Variants in GALNT18 observed in about 807,000 individuals in gnomAD.
GALNT18 encodes the protein GalNAc-transferase 18.
A neutral mutation model predicts 69.5 loss-of-function variants in GALNT18; 44 were observed. The ratio of observed to expected loss-of-function variants is 0.63; its 90% CI spans 0.50 to 0.81. The LOEUF is 0.81. GALNT18 is among the 40% of genes least tolerant of loss of function. The pLI is 0.00. For missense variants in GALNT18, 715 were observed against 810.0 expected (o/e 0.88, Z 1.42); for synonymous variants, 364 against 318.2 (o/e 1.14, Z -1.53).
intron 10 of GALNT18, among the ~76,000 whole-genome samples, chr11:11,272,062 G>A (rs927074343): frequency 6.6e-6 from 1 of 152,110 alleles, no homozygotes; most frequent in Non-Finnish European, 1.5e-5. Flanking sequence ...ACTAGACTTT[G>A]GCCTCCCAAG....
chr11:11,376,221 A>G (rs762645544), intron 5 of GALNT18, among the ~76,000 whole-genome samples: 5 of 152,102 alleles, frequency 3.3e-5, no homozygotes, highest in South Asian at 2.1e-4. Context: ...TCCCTAGTAA[A>G]AAATACAAAA....
intron 1 of GALNT18, among the ~76,000 whole-genome samples, chr11:11,578,330 C>CAAAAAA (rs57579910): frequency 2.5e-5 from 3 of 120,592 alleles, no homozygotes; most frequent in African/African-American, 7.1e-5. Context: ...TAAAAAGAAC[C>CAAAAAA]AAAAAAAAAA....
Position 11,500,170 on chromosome 11 carries a change from T to A in GALNT18, c.236-51234A>T, listed in dbSNP as rs1856945748. ...ACCTCAAATAGGATCTCAAAGCAAG[T>A]GATAAGGAAATAGGAGCCTATAGGG... On this transcript the variant is annotated intron_variant, in intron 1 of 10. Transcript: ENST00000227756. The surrounding 1 kb of genome is among the most constrained non-coding windows in gnomAD (Gnocchi z 5.0). Among the ~76,000 whole-genome samples the A allele has an allele frequency of 6.6e-6, 1 of 152,052 alleles. No homozygotes were observed.
At chr11:11,358,572 C>T (rs1850578472) in intron 6 of GALNT18, among the ~76,000 whole-genome samples, 1 of 140,132 alleles carries the variant, frequency 7.1e-6, no homozygotes, top group African/African-American at 2.6e-5. Flanking sequence ...GACAATGACT[C>T]AGCTAAGGCT....
intron 10 of GALNT18, among the ~76,000 whole-genome samples, chr11:11,283,493 G>A (rs1849129053): frequency 6.6e-6 from 1 of 152,158 alleles, no homozygotes; most frequent in African/African-American, 2.4e-5. Flanking sequence ...AGGCTAACCA[G>A]GTCACTCTGG....
chr11:11,418,894 G>A (rs189506849), intron 3 of GALNT18, among the ~76,000 whole-genome samples: 25 of 152,262 alleles, frequency 1.6e-4, no homozygotes, highest in African/African-American at 5.5e-4. Context: ...TGAGGATGTT[G>A]GATTAGTTTT....
intron 1 of GALNT18, among the ~76,000 whole-genome samples, chr11:11,545,589 T>C (rs1858036548): frequency 6.6e-6 from 1 of 152,114 alleles, no homozygotes; most frequent in Non-Finnish European, 1.5e-5. Context: ...CAGAAAAAAA[T>C]CACCTTGTTG....
chr11:11,285,317 T>C (rs901756099), intron 10 of GALNT18, among the ~76,000 whole-genome samples: 3 of 152,166 alleles, frequency 2.0e-5, no homozygotes, highest in Non-Finnish European at 4.4e-5. Flanking sequence ...TTTCCTCCTC[T>C]GTAAAACTGG....
chr11:11,410,741 T>C (rs1262990963), intron 3 of GALNT18, among the ~76,000 whole-genome samples: 2 of 152,220 alleles, frequency 1.3e-5, no homozygotes, highest in African/African-American at 4.8e-5. Context: ...TCTAATTTTA[T>C]GGCTCAGAAC....
rs992891957 is a variant in GALNT18, at chr11:11,606,503, G to T, written c.235+14856C>A. ...TTCCTCTCCTTGACATAAAATATCT[G>T]CCCCTCCTCTATCCGAATCATCACT... On this transcript the variant is annotated intron_variant, in intron 1 of 10. Coordinates refer to ENST00000227756, the MANE Select transcript of GALNT18 (RefSeq NM_198516.3). The surrounding 1 kb of genome is among the most constrained non-coding windows in gnomAD (Gnocchi z 5.4). Among the ~76,000 whole-genome samples the T allele has an allele frequency of 7.9e-5, 12 of 152,192 alleles. No homozygotes were observed. The South Asian group carries it at 2.3e-3, about 29-fold the overall frequency.
chr11:11,565,234 T>G (rs1310462856), intron 1 of GALNT18, among the ~76,000 whole-genome samples: 1 of 152,198 alleles, frequency 6.6e-6, no homozygotes, highest in Non-Finnish European at 1.5e-5. Flanking sequence ...CTCAGCACAC[T>G]CAGTGCTCCT....
Position 11,537,367 on chromosome 11 carries a change from A to G in GALNT18, c.235+83992T>C, listed in dbSNP as rs921917118. On this transcript the variant is annotated intron_variant, in intron 1 of 10. Coordinates refer to ENST00000227756, the MANE Select transcript of GALNT18 (RefSeq NM_198516.3). ...TTAAGATGAATACACAAGTCAGGGA[A>G]AAAAAAATCCTTTAACCATAATTCT... 2.1e-4 allele frequency among the ~76,000 whole-genome samples: 8 copies of G among 38,712 alleles called. No individual in the cohort carries two copies. In the Admixed American group the frequency reaches 2.7e-3, roughly 13 times the overall value. 25.4% of individuals were successfully genotyped at this position (38,712 alleles called of 152,430 possible). A position where few individuals can be genotyped will look rare whatever the true frequency, so the allele number is the denominator to read the frequency against.
rs533727694 is a variant in GALNT18 at position 11,527,190 on chromosome 11, C to T, written c.236-78254G>A. On this transcript the variant is annotated intron_variant, in intron 1 of 10. Coordinates refer to ENST00000227756, the MANE Select transcript of GALNT18 (RefSeq NM_198516.3). ...CCCCCCAACCCCTGTCCCCTGCCAA[C>T]TCTGCACTAAGGATGGAGACGAGCA... is the stretch of plus-strand genomic sequence containing the variant. 9.6e-4 allele frequency among the ~76,000 whole-genome samples: 146 copies of T among 152,288 alleles called. 1 individual carries two copies. The highest frequency in any genetic ancestry group is 3.4e-3 in the African/African-American group (142 of 41,554).
intron 1 of GALNT18, among the ~76,000 whole-genome samples, chr11:11,535,774 C>T (rs541768646): frequency 6.6e-6 from 1 of 152,338 alleles, no homozygotes; most frequent in African/African-American, 2.4e-5. Flanking sequence ...CCAGTAAATG[C>T]ATTTCCTGCC....
intron 3 of GALNT18, among the ~76,000 whole-genome samples, chr11:11,428,020 C>A (rs569019797): frequency 1.5e-4 from 23 of 152,334 alleles, no homozygotes; most frequent in African/African-American, 5.5e-4. Flanking sequence ...ACTTATCTGC[C>A]AAACTCCCCA....
At chr11:11,385,680 T>A (rs1854039744) in intron 3 of GALNT18, among the ~76,000 whole-genome samples, 1 of 152,158 alleles carries the variant, frequency 6.6e-6, no homozygotes, top group East Asian at 1.9e-4. Context: ...GGAAATGCTG[T>A]GGAGTTACCA....
chr11:11,406,848 A>G (rs1854597886), intron 3 of GALNT18, among the ~76,000 whole-genome samples: 1 of 152,210 alleles, frequency 6.6e-6, no homozygotes, highest in East Asian at 1.9e-4. Flanking sequence ...GGATGTTCCC[A>G]TCCCCGCCCT....
intron 1 of GALNT18, among the ~76,000 whole-genome samples, chr11:11,581,070 G>T (rs79700144): frequency 6.6e-6 from 1 of 152,238 alleles, no homozygotes; most frequent in Non-Finnish European, 1.5e-5. Flanking sequence ...TGCTGCATGT[G>T]TTTTGTCTAT....
At chr11:11,554,265 C>G (rs1001542162) in intron 1 of GALNT18, among the ~76,000 whole-genome samples, 1 of 152,154 alleles carries the variant, frequency 6.6e-6, no homozygotes, top group Non-Finnish European at 1.5e-5. Flanking sequence ...GCTTGTTCCC[C>G]TTTGCCACAG....
Sources: gnomAD v4.1 joint callset for allele counts (sites outside exome capture counted in the v4.1 genomes callset) on GRCh38, gnomAD v4.1.1 for gene constraint, Gnocchi (gnomAD v3.1) non-coding constraint, MANE v1.5 for transcripts, NCBI Gene and HGNC (gene_info 2026-07-23, HGNC 2026-07-21) for gene names.